Variants in KIAA1217 observed in about 807,000 individuals in gnomAD.
KIAA1217 encodes KIAA1217.
Under a neutral mutation model 163.9 loss-of-function variants are expected in KIAA1217, and 88 were observed. That is an observed-to-expected ratio of 0.54 (90% CI 0.45 to 0.64). The LOEUF is 0.64. KIAA1217 is among the 30% of genes least tolerant of loss of function. The probability of loss-of-function intolerance (pLI) is 0.00; values close to 1 mark genes in which losing one functional copy is unlikely to be tolerated. For missense variants in KIAA1217, 2,372 were observed against 2,475.0 expected, an observed-to-expected ratio of 0.96 and a Z score of 0.88; for synonymous variants, 903 against 923.1, an observed-to-expected ratio of 0.98 and a Z score of 0.39.
chr10:23,911,244 G>T (rs943072481), intron 1 of KIAA1217, among the ~76,000 whole-genome samples: 6 of 152,116 alleles, frequency 3.9e-5, no homozygotes, highest in Non-Finnish European at 8.8e-5. Context: ...TATTTGCAAA[G>T]CCTTGGCACT....
chr10:24,022,713 A>T (rs1287888567), intron 2 of KIAA1217, among the ~76,000 whole-genome samples: 1 of 151,736 alleles, frequency 6.6e-6, no homozygotes, highest in Non-Finnish European at 1.5e-5. Context: ...AGGAGCCAAG[A>T]TGTCCTTCAA....
At chr10:24,025,174 T>C (rs1010764446) in intron 2 of KIAA1217, among the ~76,000 whole-genome samples, 1 of 151,812 alleles carries the variant, frequency 6.6e-6, no homozygotes, top group African/African-American at 2.4e-5. Context: ...TGTAATCAAC[T>C]TGAATTAGAT....
At chr10:24,118,525 T>C (rs2063152038) in intron 2 of KIAA1217, among the ~76,000 whole-genome samples, 1 of 152,206 alleles carries the variant, frequency 6.6e-6, no homozygotes, top group Non-Finnish European at 1.5e-5. Flanking sequence ...GAGAATGAGT[T>C]CATTTCTCTT....
At chr10:23,698,963 A>G (rs948380435) in intron 1 of KIAA1217, among the ~76,000 whole-genome samples, 1 of 152,126 alleles carries the variant, frequency 6.6e-6, no homozygotes, top group Non-Finnish European at 1.5e-5. Flanking sequence ...TTTTGTAGGC[A>G]CAGCCTCCTG....
At chr10:24,469,977 G>T (rs1341866295) in intron 5 of KIAA1217, among the ~76,000 whole-genome samples, 1 of 152,134 alleles carries the variant, frequency 6.6e-6, no homozygotes, top group East Asian at 1.9e-4. Flanking sequence ...CCTACCATTT[G>T]TTGTATGTGA....
At position 23,937,192 on chromosome 10, in the gene KIAA1217, T is replaced by A. The variant is rs147755085; in HGVS notation, c.-320-70033T>A. 1.6e-3 allele frequency among the ~76,000 whole-genome samples: 245 copies of A among 152,292 alleles called. 3 individuals carry two copies. Among genetic ancestry groups the A allele is most frequent in the African/African-American group, 4.3e-3 (180 of 41,570 alleles). On this transcript the variant is annotated intron_variant, in intron 1 of 18. Coordinates refer to the KIAA1217 transcript ENST00000376462. ...GCCTGGCCTGATTCTTTCTTTCAAGTGGTCTTATGTGAGCTAGGTTACATA... is the reference window on the plus strand; with the variant it reads ...GCCTGGCCTGATTCTTTCTTTCAAGAGGTCTTATGTGAGCTAGGTTACATA...
intron 17 of KIAA1217, among the ~76,000 whole-genome samples, chr10:24,538,548 T>TGGAG (rs200883442): frequency 6.2e-5 from 5 of 80,696 alleles, no homozygotes; most frequent in Middle Eastern, 5.3e-3. Flanking sequence ...GTAGGAGGGA[T>TGGAG]GGAGGGAGGG....
At chr10:24,434,147 C>G (rs760842975) in intron 4 of KIAA1217, among the ~76,000 whole-genome samples, 2 of 151,176 alleles carry the variant, frequency 1.3e-5, no homozygotes, top group Non-Finnish European at 2.9e-5. Flanking sequence ...AGCGATTCTC[C>G]TGCCTCAGCC....
intron 2 of KIAA1217, among the ~76,000 whole-genome samples, chr10:24,257,702 G>A (rs571962533): frequency 1.6e-4 from 25 of 152,268 alleles, no homozygotes; most frequent in East Asian, 3.9e-4. Context: ...ATCCAGGAGC[G>A]TGCCAGTACT....
At chr10:24,378,049 G>GT (rs1260488649) in intron 2 of KIAA1217, among the ~76,000 whole-genome samples, 3 of 152,068 alleles carry the variant, frequency 2.0e-5, no homozygotes, top group African/African-American at 4.8e-5. Flanking sequence ...TCACATCTCT[G>GT]TTTTTTAATA....
intron 1 of KIAA1217, among the ~76,000 whole-genome samples, chr10:23,929,979 C>T (rs1046245603): frequency 1.3e-5 from 2 of 152,136 alleles, no homozygotes; most frequent in South Asian, 4.1e-4. Context: ...TCCACAGGGG[C>T]TGAACTAATT....
intron 1 of KIAA1217, among the ~76,000 whole-genome samples, chr10:23,945,856 A>T (rs1262664542): frequency 1.3e-5 from 2 of 152,170 alleles, no homozygotes; most frequent in Non-Finnish European, 1.5e-5. Context: ...TAGAGAGTCT[A>T]ATCTGGCATA....
chr10:24,396,599 G>A (rs1224130490), intron 3 of KIAA1217, among the ~76,000 whole-genome samples: 1 of 152,182 alleles, frequency 6.6e-6, no homozygotes, highest in Non-Finnish European at 1.5e-5. Context: ...TGAGAAGGCA[G>A]CCTTCGAGCC....
At chr10:24,073,523 GA>G (rs2061263043) in intron 2 of KIAA1217, among the ~76,000 whole-genome samples, 1 of 152,176 alleles carries the variant, frequency 6.6e-6, no homozygotes. Context: ...TTTGCATAAG[GA>G]TAAAATCATC....
chr10:23,965,954 C>T (rs1360785851), intron 1 of KIAA1217, among the ~76,000 whole-genome samples: 1 of 152,194 alleles, frequency 6.6e-6, no homozygotes, highest in African/African-American at 2.4e-5. Flanking sequence ...TTGACCTTGA[C>T]AGCCATGATT....
intron 2 of KIAA1217, among the ~76,000 whole-genome samples, chr10:24,194,754 C>A (rs947766594): frequency 6.9e-6 from 1 of 144,968 alleles, no homozygotes; most frequent in African/African-American, 2.5e-5. Context: ...TCACACCCAG[C>A]CAATTAAATT....
At chr10:24,267,433 G>A (rs1220647764) in intron 2 of KIAA1217, among the ~76,000 whole-genome samples, 1 of 152,206 alleles carries the variant, frequency 6.6e-6, no homozygotes, top group Admixed American at 6.5e-5. Context: ...AAAACGGAAA[G>A]AGCTATCCAT....
chr10:24,545,055 C>A lies in KIAA1217; in HGVS notation c.5286C>A (p.Asp1762Glu), dbSNP rs1386398001. The change falls in exon 20 of 21, where the codon GAC becomes GAA. Residue 1762 changes from aspartate to glutamate, a missense_variant. Physicochemically the swap from Asp to Glu is conservative, Grantham distance 45. This residue lies in a region of KIAA1217 where 690 missense variants were observed against 677.5 expected (regional missense o/e 1.02). Coordinates refer to ENST00000376454, the MANE Select transcript of KIAA1217 (RefSeq NM_019590.5). Reference sequence around the variant, plus strand: ...CCAAGAACAGACCCGGAACCCTGGACAAACCCGGCAAGCAGTCCAAACTGC... The same window carrying A: ...CCAAGAACAGACCCGGAACCCTGGAAAAACCCGGCAAGCAGTCCAAACTGC... ...MSAKNRPGTL[D>E]KPGKQSKLQD... 1 of 1,614,044 alleles carries A rather than the reference C, an allele frequency of 6.2e-7. No individual in the cohort carries two copies. The highest frequency in any genetic ancestry group is 1.7e-5 in the Admixed American group (1 of 60,000).
chr10:23,809,429 G>T (rs1047472443), intron 1 of KIAA1217, among the ~76,000 whole-genome samples: 1 of 151,766 alleles, frequency 6.6e-6, no homozygotes, highest in African/African-American at 2.4e-5. Flanking sequence ...TGTATAATTT[G>T]GGAGAGAAAT....
Sources: allele counts gnomAD v4.1 joint callset (sites outside exome capture counted in the v4.1 genomes callset), GRCh38; gene constraint gnomAD v4.1.1; regional missense constraint gnomAD v4.1.1; transcripts MANE v1.5; gene names NCBI Gene and HGNC (gene_info 2026-07-23, HGNC 2026-07-21).